Variants in TGFBI observed in about 807,000 individuals in gnomAD.
The protein encoded by TGFBI is transforming growth factor beta induced.
In TGFBI, 50 loss-of-function variants were observed where a neutral mutation model predicts 73.7. The observed-to-expected ratio is 0.68, with a 90% confidence interval of 0.54 to 0.86. The LOEUF is 0.86. TGFBI is among the 40% of genes least tolerant of loss of function. TGFBI has a pLI of 0.00. For missense variants in TGFBI, 839 were observed against 877.0 expected (o/e 0.96, Z 0.55); for synonymous variants, 362 against 360.5 (o/e 1.00, Z -0.05).
chr5:136,060,171 C>T (rs1030076053), intron 13 of TGFBI, among the ~76,000 whole-genome samples: 2 of 152,210 alleles, frequency 1.3e-5, no homozygotes, highest in Admixed American at 6.5e-5. Context: ...AAAAGAGGCA[C>T]TTCGCCTGTC....
At chr5:136,054,370 C>T (rs904491937) in intron 9 of TGFBI, among the ~76,000 whole-genome samples, 1 of 152,160 alleles carries the variant, frequency 6.6e-6, no homozygotes, top group Non-Finnish European at 1.5e-5. Flanking sequence ...CAGAGCATTC[C>T]CTTGCCTTTC....
At chr5:136,048,384 A>C (rs1029276865) in intron 6 of TGFBI, 2 of 152,168 alleles carry the variant, frequency 1.3e-5, no homozygotes, top group African/African-American at 4.8e-5. Flanking sequence ...CTGACCCTCC[A>C]TTTTGCCGAT....
intron 2 of TGFBI, among the ~76,000 whole-genome samples, chr5:136,035,633 A>AC (rs1751205526): frequency 6.6e-6 from 1 of 151,810 alleles, no homozygotes; most frequent in Non-Finnish European, 1.5e-5. Context: ...TCAAAAAAAA[A>AC]AAAAAAAAAA....
rs556760777 is a variant in TGFBI at position 136,049,196 on chromosome 5, G to C, written c.772-243G>C. On this transcript the variant is annotated intron_variant, in intron 6 of 16. Transcript: ENST00000442011. Reference sequence around the variant, plus strand: ...GAGAGGACAGCAGGGACAAGGACTTGGGGGCAGGAAGAGGAAAGGCAGGTT... The same window carrying C: ...GAGAGGACAGCAGGGACAAGGACTTCGGGGCAGGAAGAGGAAAGGCAGGTT... 458 of 468,768 alleles carry C rather than the reference G, an allele frequency of 9.8e-4. 3 individuals carry two copies. The highest frequency in any genetic ancestry group is 1.5e-3 in the Non-Finnish European group (398 of 261,190). The allele number at this position is 468,768 out of a possible 1,614,324, so 29.0% of individuals were successfully genotyped here. A position where few individuals can be genotyped will look rare whatever the true frequency, so the allele number is the denominator to read the frequency against.
At chr5:136,049,625 G>A in intron 7 of TGFBI, 45 bp downstream of exon 7, 2 of 1,590,578 alleles carry the variant, frequency 1.3e-6, no homozygotes, top group Non-Finnish European at 1.7e-6. Flanking sequence ...TGTGCAGCTA[G>A]ATTGAGCCCA....
chr5:136,051,058 C>T (rs113620392), intron 7 of TGFBI, among the ~76,000 whole-genome samples: 4 of 152,288 alleles, frequency 2.6e-5, no homozygotes, highest in African/African-American at 9.6e-5. Context: ...CACACATAGC[C>T]TTAAGGGGCC....
chr5:136,033,715 G>A (rs758432618), intron 1 of TGFBI, 48 bp from the exon 2 acceptor site: 11 of 1,518,634 alleles, frequency 7.2e-6, no homozygotes, highest in Non-Finnish European at 1.0e-5. Flanking sequence ...CATTAAAGTG[G>A]GGTGGACGTG....
chr5:136,056,747 A>C lies in TGFBI; in HGVS notation c.1630A>C (p.Asn544His). Residue 544 changes from asparagine to histidine, a missense_variant, in exon 12 of 17, where the codon AAT becomes CAT. Physicochemically the swap from Asn to His is moderately conservative, Grantham distance 68. Transcript: ENST00000442011. The stretch of plus-strand genomic sequence containing the variant: ...AGTCTACACAGTCTTTGCTCCCACA[A>C]ATGAAGCCTTCCGAGCCCTGCCACC... ...EGVYTVFAPT[N>H]EAFRALPPRE... The C allele has an allele frequency of 6.2e-7, 1 of 1,613,874 alleles. No homozygotes were observed. Among genetic ancestry groups the C allele is most frequent in the Non-Finnish European group, 8.5e-7 (1 of 1,179,858 alleles).
chr5:136,049,723 G>C, intron 7 of TGFBI, 143 bp downstream of exon 7: 2 of 956,414 alleles, frequency 2.1e-6, no homozygotes, highest in East Asian at 5.4e-5. Context: ...GGGTCATCCT[G>C]TCCTGTTGCT....
chr5:136,046,412 G>C lies in TGFBI; in HGVS notation c.376G>C (p.Glu126Gln). ...CACTCAGCTGTACACGGACCGCACG[G>C]AGAAGCTGAGGCCTGAGATGGAGGG... Reference protein sequence around the residue: ...TTTQLYTDRTEKLRPEMEGPG... With the variant: ...TTTQLYTDRTQKLRPEMEGPG... Residue 126 changes from glutamate (E) to glutamine (Q), a missense_variant, in exon 4 of 17, where the codon GAG becomes CAG. Coordinates refer to ENST00000442011, the MANE Select transcript of TGFBI (RefSeq NM_000358.3). The C allele has an allele frequency of 1.2e-6, 2 of 1,613,894 alleles. No individual in the cohort carries two copies. The highest frequency in any genetic ancestry group is 8.5e-7 in the Non-Finnish European group (1 of 1,179,832).
intron 2 of TGFBI, among the ~76,000 whole-genome samples, chr5:136,043,213 T>A (rs182340023): frequency 2.0e-5 from 3 of 152,212 alleles, no homozygotes; most frequent in Non-Finnish European, 4.4e-5. Flanking sequence ...CAAGTCTTTC[T>A]TAGGTGTGGG....
chr5:136,062,026 C>T (rs1310247914), intron 15 of TGFBI, among the ~76,000 whole-genome samples: 5 of 152,284 alleles, frequency 3.3e-5, no homozygotes. Flanking sequence ...ATTCTGGATA[C>T]AGGGATACTG....
Position 136,034,539 on chromosome 5 carries a change from T to C in TGFBI, c.233+678T>C, listed in dbSNP as rs149408085. On this transcript the variant is annotated intron_variant, in intron 2 of 16. Transcript: ENST00000442011. ...AGTGCTCAATAAATGCTAGCTACTA[T>C]TATTATTATCACCCTAGATTTGCAA... 6.8e-3 allele frequency among the ~76,000 whole-genome samples: 1,032 copies of C among 151,740 alleles called. 10 individuals are homozygous for C. The highest frequency in any genetic ancestry group is 0.023 in the African/African-American group (939 of 41,310).
chr5:136,052,071 G>T (rs1751545984), intron 7 of TGFBI, among the ~76,000 whole-genome samples: 1 of 145,108 alleles, frequency 6.9e-6, no homozygotes, highest in East Asian at 2.0e-4. Flanking sequence ...GCCTGGGGTT[G>T]GGGGGGGCTC....
chr5:136,051,195 C>G (rs183044964), intron 7 of TGFBI, among the ~76,000 whole-genome samples: 2 of 152,132 alleles, frequency 1.3e-5, no homozygotes, highest in South Asian at 4.1e-4. Context: ...TTTGGGAAGC[C>G]AAGGCGGGCA....
At chr5:136,037,478 C>T (rs1189481842) in intron 2 of TGFBI, among the ~76,000 whole-genome samples, 2 of 152,176 alleles carry the variant, frequency 1.3e-5, no homozygotes, top group African/African-American at 4.8e-5. Flanking sequence ...TGTGCTAGCC[C>T]CAGGGAGAGG....
intron 2 of TGFBI, among the ~76,000 whole-genome samples, chr5:136,041,520 C>T (rs186192068): frequency 8.1e-4 from 124 of 152,300 alleles, no homozygotes; most frequent in African/African-American, 2.8e-3. Context: ...ATCCTCCAAA[C>T]GTGCATTTTC....
intron 1 of TGFBI, 143 bp from the exon 2 acceptor site, chr5:136,033,620 A>C (rs1751161157): frequency 1.5e-6 from 1 of 659,516 alleles, no homozygotes; most frequent in Non-Finnish European, 2.6e-6. Flanking sequence ...TAAACCCAAG[A>C]TATCCCCAGT....
At chr5:136,043,029 G>A (rs543938911) in intron 2 of TGFBI, among the ~76,000 whole-genome samples, 13 of 152,288 alleles carry the variant, frequency 8.5e-5, no homozygotes, top group Admixed American at 3.3e-4. Flanking sequence ...GGTAAAACCC[G>A]CTGCAATTAA....
Sources: gnomAD v4.1 joint callset for allele counts (sites outside exome capture counted in the v4.1 genomes callset) on GRCh38, gnomAD v4.1.1 for gene constraint, MANE v1.5 for transcripts, NCBI Gene and HGNC (gene_info 2026-07-23, HGNC 2026-07-21) for gene names.